SAE1: variants seen among roughly 807,000 people sequenced by gnomAD.
SAE1 encodes the protein SUMO-activating enzyme subunit 1.
SAE1 carries 11 observed loss-of-function variants against 40.6 expected under a neutral mutation model. The ratio of observed to expected loss-of-function variants is 0.27; its 90% CI spans 0.17 to 0.45. The LOEUF is 0.45. SAE1 is among the 20% of genes least tolerant of loss of function. SAE1 has a pLI of 1.00. For synonymous variants in SAE1, 155 were observed against 154.3 expected (o/e 1.00, Z -0.03); for missense variants, 373 against 427.3 (o/e 0.87, Z 1.12).
intron 6 of SAE1, among the ~76,000 whole-genome samples, chr19:47,173,322 C>T (rs1037728433): frequency 1.3e-5 from 2 of 152,154 alleles, no homozygotes; most frequent in South Asian, 2.1e-4. Flanking sequence ...AACAACCATG[C>T]ACCACTGCCT....
At chr19:47,167,430 C>T (rs897932543) in intron 5 of SAE1, among the ~76,000 whole-genome samples, 22 of 151,468 alleles carry the variant, frequency 1.5e-4, no homozygotes, top group African/African-American at 4.9e-4. Flanking sequence ...TTAGTAGAGA[C>T]GGAGTTTCGC....
At chr19:47,157,840 T>C (rs918058764) in intron 5 of SAE1, among the ~76,000 whole-genome samples, 1 of 152,220 alleles carries the variant, frequency 6.6e-6, no homozygotes, top group Non-Finnish European at 1.5e-5. Flanking sequence ...GCATTCCTGC[T>C]GACAATCCCT....
intron 1 of SAE1, among the ~76,000 whole-genome samples, chr19:47,137,523 C>CTT (rs1376997235): frequency 1.3e-5 from 2 of 151,980 alleles, no homozygotes; most frequent in Non-Finnish European, 2.9e-5. Flanking sequence ...TTTTCTCGCT[C>CTT]TGTTACCCAG....
chr19:47,174,613 C>G (rs2058457108), intron 6 of SAE1, among the ~76,000 whole-genome samples: 1 of 137,456 alleles, frequency 7.3e-6, no homozygotes, highest in Non-Finnish European at 1.5e-5. Context: ...CGCTCTGTCT[C>G]CCAGCCTGGA....
chr19:47,174,190 C>T (rs1474373134), intron 6 of SAE1, among the ~76,000 whole-genome samples: 1 of 152,052 alleles, frequency 6.6e-6, no homozygotes, highest in East Asian at 1.9e-4. Context: ...CACTCTCTCC[C>T]AGATGGCATT....
intron 6 of SAE1, among the ~76,000 whole-genome samples, chr19:47,183,763 C>T (rs1266372957): frequency 1.3e-5 from 2 of 152,204 alleles, no homozygotes; most frequent in Non-Finnish European, 2.9e-5. Context: ...CGGGAATGTC[C>T]TGTGCCATCT....
At position 47,204,603 on chromosome 19, in the gene SAE1, T is replaced by G. The variant is rs371452872; in HGVS notation, c.948+863T>G. Among the ~76,000 whole-genome samples, 3 of 146,278 alleles carry G rather than the reference T, an allele frequency of 2.1e-5. No homozygotes were observed. In the South Asian group the frequency reaches 6.6e-4, roughly 32 times the overall value. ...CTCACTGCAACCTCCGCCTCCTGGG[T>G]TCAAGCGATTCTCCTGCCTCAGCCT... is the stretch of plus-strand genomic sequence containing the variant. On this transcript the variant is annotated intron_variant, in intron 8 of 8. Coordinates refer to ENST00000270225, the MANE Select transcript of SAE1 (RefSeq NM_005500.3).
chr19:47,145,855 T>C (rs2058252716), intron 2 of SAE1, among the ~76,000 whole-genome samples: 1 of 152,082 alleles, frequency 6.6e-6, no homozygotes, highest in Non-Finnish European at 1.5e-5. Flanking sequence ...AACAAGCATC[T>C]GAGAGCACCT....
intron 1 of SAE1, among the ~76,000 whole-genome samples, chr19:47,138,744 A>T (rs2058198229): frequency 6.6e-6 from 1 of 152,124 alleles, no homozygotes; most frequent in African/African-American, 2.4e-5. Context: ...GCTACTGGGG[A>T]GGCTGAGGTT....
chr19:47,191,596 A>G (rs1027482557), intron 6 of SAE1, among the ~76,000 whole-genome samples: 1 of 152,156 alleles, frequency 6.6e-6, no homozygotes, highest in Non-Finnish European at 1.5e-5. Flanking sequence ...TCCAGGTGCA[A>G]GGTGATGGAC....
chr19:47,147,822 GA>G (rs2058263993), intron 2 of SAE1, among the ~76,000 whole-genome samples: 1 of 149,996 alleles, frequency 6.7e-6, no homozygotes, highest in Non-Finnish European at 1.5e-5. Context: ...GCAGTGGCGC[GA>G]TCTTGGCTCA....
rs918935598 is a variant in SAE1, at chr19:47,199,129, G to C, written c.878+1752G>C. Among the ~76,000 whole-genome samples the C allele has an allele frequency of 2.6e-5, 4 of 151,320 alleles. No homozygotes were observed. The East Asian group carries it at 7.8e-4, about 29-fold the overall frequency. Reference sequence around the variant, plus strand: ...AGGCTGGGCGCGGTGGCTCACGCCTGTAATCCCAGCACTTTGGGAGGCCGA... The same window carrying C: ...AGGCTGGGCGCGGTGGCTCACGCCTCTAATCCCAGCACTTTGGGAGGCCGA... On this transcript the variant is annotated intron_variant, in intron 7 of 8. Transcript: ENST00000270225.
intron 5 of SAE1, among the ~76,000 whole-genome samples, chr19:47,168,417 C>T (rs1417558407): frequency 6.6e-6 from 1 of 151,894 alleles, no homozygotes; most frequent in Non-Finnish European, 1.5e-5. Flanking sequence ...AGTTCTCTTG[C>T]CTCAGCCTCC....
At chr19:47,193,927 A>G (rs947660407) in intron 6 of SAE1, among the ~76,000 whole-genome samples, 1 of 152,112 alleles carries the variant, frequency 6.6e-6, no homozygotes, top group Non-Finnish European at 1.5e-5. Flanking sequence ...TACCAGAGAA[A>G]TACAGGCCAG....
At chr19:47,159,252 C>T (rs949522263) in intron 5 of SAE1, among the ~76,000 whole-genome samples, 2 of 152,164 alleles carry the variant, frequency 1.3e-5, no homozygotes, top group Non-Finnish European at 2.9e-5. Context: ...TCTTTTGACT[C>T]CCTCTTTCTG....
At chr19:47,150,652 T>C (rs930279046) in intron 3 of SAE1, among the ~76,000 whole-genome samples, 6 of 152,236 alleles carry the variant, frequency 3.9e-5, no homozygotes, top group Non-Finnish European at 7.3e-5. Context: ...AGGTTTCGTC[T>C]TTGGTGTTTT....
chr19:47,184,144 C>G (rs537077883), intron 6 of SAE1, among the ~76,000 whole-genome samples: 1 of 152,080 alleles, frequency 6.6e-6, no homozygotes, highest in Admixed American at 6.6e-5. Context: ...TGGGCTGGGG[C>G]TAGTCTGAAA....
chr19:47,170,795 C>T (rs765991903), intron 6 of SAE1, among the ~76,000 whole-genome samples: 9 of 152,162 alleles, frequency 5.9e-5, no homozygotes, highest in Non-Finnish European at 8.8e-5. Context: ...GCGTAAGCCA[C>T]CAGTGCTTGT....
At position 47,130,954 on chromosome 19, in the gene SAE1, C is replaced by T. The variant is rs370745297; in HGVS notation, c.24C>T (p.Gly8=). The change falls in exon 1 of 9, where the codon GGC becomes GGT. Residue 8 remains glycine, a synonymous_variant. Transcript: ENST00000270225. ...CCATGGTGGAGAAGGAGGAGGCTGG[C>T]GGCGGCATTAGCGAGGAGGAGGCGG... MVEKEEA[G]GGISEEEAAQ... 5.5e-4 allele frequency: 847 copies of T among 1,549,690 alleles called. No individual in the cohort carries two copies. Among genetic ancestry groups the T allele is most frequent in the Non-Finnish European group, 7.1e-4 (814 of 1,146,414 alleles).
Sources: allele counts gnomAD v4.1 joint callset (sites outside exome capture counted in the v4.1 genomes callset), GRCh38; gene constraint gnomAD v4.1.1; transcripts MANE v1.5; gene names NCBI Gene and HGNC (gene_info 2026-07-23, HGNC 2026-07-21).